The following PDSS2 variants were observed in gnomAD, a reference collection of about 807,000 sequenced individuals.
The protein encoded by PDSS2 is decaprenyl diphosphate synthase subunit 2, also known as all trans-polyprenyl-diphosphate synthase PDSS2.
In PDSS2, 31 loss-of-function variants were observed where a neutral mutation model predicts 44.5. The observed-to-expected ratio is 0.70, with a 90% CI of 0.52 to 0.94. The LOEUF (loss-of-function observed/expected upper bound fraction) is 0.94, where lower values mean the gene tolerates loss of function less well. Among genes scored for constraint, PDSS2 ranks in the 40% least tolerant of loss-of-function variants. PDSS2 has a pLI of 0.00. For missense variants in PDSS2, 452 were observed against 482.2 expected, an observed-to-expected ratio of 0.94 and a Z score of 0.59; for synonymous variants, 157 against 180.3, an observed-to-expected ratio of 0.87 and a Z score of 1.03.
intron 1 of PDSS2, among the ~76,000 whole-genome samples, chr6:107,455,234 G>A (rs964788944): frequency 6.8e-6 from 1 of 146,964 alleles, no homozygotes; most frequent in Non-Finnish European, 1.5e-5. Flanking sequence ...TGCCTCTGGT[G>A]GCCTCTGAAG....
chr6:107,227,354 T>A (rs1436691595), intron 4 of PDSS2, among the ~76,000 whole-genome samples: 2 of 145,208 alleles, frequency 1.4e-5, no homozygotes, highest in Non-Finnish European at 3.0e-5. Flanking sequence ...AGTGGCACGA[T>A]CTTGGCTCAC....
At chr6:107,320,130 C>A (rs1582937574) in intron 2 of PDSS2, among the ~76,000 whole-genome samples, 1 of 152,124 alleles carries the variant, frequency 6.6e-6, no homozygotes, top group African/African-American at 2.4e-5. Flanking sequence ...ACATAGCCTG[C>A]TGCAAAGAAA....
At chr6:107,434,983 C>G (rs1781304277) in intron 1 of PDSS2, among the ~76,000 whole-genome samples, 3 of 151,586 alleles carry the variant, frequency 2.0e-5, no homozygotes, top group Admixed American at 2.0e-4. Flanking sequence ...AACAAAAAAT[C>G]AGTTTGATTA....
At chr6:107,214,809 G>T (rs1240117282) in intron 4 of PDSS2, among the ~76,000 whole-genome samples, 1 of 152,074 alleles carries the variant, frequency 6.6e-6, no homozygotes, top group East Asian at 1.9e-4. Flanking sequence ...TTTGAGATGG[G>T]GTCTTGCTAT....
chr6:107,357,721 C>T (rs1174045026), intron 1 of PDSS2, among the ~76,000 whole-genome samples: 2 of 151,982 alleles, frequency 1.3e-5, no homozygotes, highest in Admixed American at 6.6e-5. Context: ...GAGTGGCAAC[C>T]GTTATTCTCT....
intron 1 of PDSS2, among the ~76,000 whole-genome samples, chr6:107,349,999 T>C (rs993172272): frequency 2.0e-5 from 3 of 152,250 alleles, no homozygotes; most frequent in African/African-American, 4.8e-5. Flanking sequence ...CTGACTTTCA[T>C]GGCCTTTACA....
chr6:107,184,059 A>T (rs1772081540), intron 7 of PDSS2, among the ~76,000 whole-genome samples: 1 of 152,172 alleles, frequency 6.6e-6, no homozygotes, highest in South Asian at 2.1e-4. Context: ...GCTAGAGAAA[A>T]TGAGAGATTT....
chr6:107,441,526 G>T (rs1781510044), intron 1 of PDSS2, among the ~76,000 whole-genome samples: 1 of 152,196 alleles, frequency 6.6e-6, no homozygotes, highest in Non-Finnish European at 1.5e-5. Context: ...ACAGGTTGAA[G>T]AATGTAAGAA....
In PDSS2 at chr6:107,276,252, GATAC is replaced by G. The variant is rs370760254; in HGVS notation, c.432-2029_432-2026del. On this transcript the variant is annotated intron_variant, in intron 2 of 7. Transcript: ENST00000369037. ...AATCAAGAAACATTCCTTGCTCCAA[GATAC>G]AGTAGGTGGCCCAGATATATGCCCA... Among the ~76,000 whole-genome samples, 673 of 152,238 alleles carry G rather than the reference GATAC, an allele frequency of 4.4e-3. 5 individuals carry two copies. The highest frequency in any genetic ancestry group is 0.015 in the African/African-American group (626 of 41,562).
chr6:107,187,664 CA>C (rs112747628), intron 7 of PDSS2, among the ~76,000 whole-genome samples: 2,261 of 120,620 alleles, frequency 0.019, 44 homozygotes, highest in African/African-American at 0.044. Context: ...AACTCCATCT[CA>C]AAAAAAAAAA....
At chr6:107,347,349 GTTCAAGCGATTCTCCCGA>G (rs1327776003) in intron 1 of PDSS2, among the ~76,000 whole-genome samples, 1 of 146,438 alleles carries the variant, frequency 6.8e-6, no homozygotes, top group African/African-American at 2.6e-5. Context: ...CACATCCCGG[GTTCAAGCGATTCTCCCGA>G]TTCAAGCGAT....
intron 2 of PDSS2, among the ~76,000 whole-genome samples, chr6:107,307,584 T>A (rs1243480105): frequency 1.3e-5 from 2 of 152,110 alleles, no homozygotes; most frequent in African/African-American, 4.8e-5. Context: ...GTACTTATTC[T>A]GACCAAACTG....
chr6:107,170,617 C>G (rs868964678), intron 7 of PDSS2, among the ~76,000 whole-genome samples: 142 of 67,302 alleles, frequency 2.1e-3, no homozygotes, highest in Non-Finnish European at 2.9e-3. Context: ...CCCCCCCCCC[C>G]CCACTTTTTT....
intron 2 of PDSS2, among the ~76,000 whole-genome samples, chr6:107,286,043 G>A (rs1776131050): frequency 6.7e-6 from 1 of 150,148 alleles, no homozygotes; most frequent in Admixed American, 6.7e-5. Context: ...AGGAGGCTGA[G>A]GTGGGAAAAT....
intron 1 of PDSS2, among the ~76,000 whole-genome samples, chr6:107,437,789 T>A (rs1781401019): frequency 6.6e-6 from 1 of 152,162 alleles, no homozygotes. Flanking sequence ...TGTTCAAAGG[T>A]CAACTGTATA....
chr6:107,164,342 G>A (rs1287453342), intron 7 of PDSS2, among the ~76,000 whole-genome samples: 1 of 152,044 alleles, frequency 6.6e-6, no homozygotes, highest in Admixed American at 6.6e-5. Flanking sequence ...ACAGGCCCTG[G>A]TGTGTGATGT....
At chr6:107,243,368 G>A (rs1018367962) in intron 4 of PDSS2, among the ~76,000 whole-genome samples, 18 of 152,266 alleles carry the variant, frequency 1.2e-4, no homozygotes, top group South Asian at 2.1e-4. Context: ...ATTAACTGTC[G>A]TAGCTGTCAG....
intron 1 of PDSS2, among the ~76,000 whole-genome samples, chr6:107,381,428 T>G (rs1334871081): frequency 6.6e-6 from 1 of 152,232 alleles, no homozygotes. Flanking sequence ...AAATGAGATT[T>G]TTTTTAAACC....
chr6:107,190,540 A>G (rs2114512289), intron 7 of PDSS2, among the ~76,000 whole-genome samples: 1 of 152,332 alleles, frequency 6.6e-6, no homozygotes, highest in African/African-American at 2.4e-5. Flanking sequence ...ATGGATCATT[A>G]TAATATAACA....
Sources: allele counts gnomAD v4.1 joint callset (sites outside exome capture counted in the v4.1 genomes callset), GRCh38; gene constraint gnomAD v4.1.1; transcripts MANE v1.5; gene names NCBI Gene and HGNC (gene_info 2026-07-23, HGNC 2026-07-21).